Variants in COX7B2 observed in about 807,000 individuals in gnomAD.
COX7B2 encodes the protein cytochrome c oxidase subunit 7B2, mitochondrial.
For synonymous variants in COX7B2, 37 were observed against 32.1 expected (o/e 1.15, Z -0.51); for missense variants, 109 against 95.9 (o/e 1.14, Z -0.57).
At chr4:46,794,574 T>C (rs1349394961) in intron 2 of COX7B2, among the ~76,000 whole-genome samples, 2 of 152,040 alleles carry the variant, frequency 1.3e-5, no homozygotes, top group African/African-American at 4.8e-5. Context: ...AAGAGCTCTG[T>C]AATTGCTCTT....
At chr4:46,797,092 TAAAAAAAAAA>T (rs762801656) in intron 2 of COX7B2, among the ~76,000 whole-genome samples, 2 of 62,582 alleles carry the variant, frequency 3.2e-5, no homozygotes, top group Non-Finnish European at 5.2e-5. Flanking sequence ...TAGAGTATAA[TAAAAAAAAAA>T]AAAAAAAAAA....
intron 1 of COX7B2, 132 bp from the exon 2 acceptor site, chr4:46,845,146 A>G (rs1333106854): frequency 6.6e-6 from 1 of 152,054 alleles, no homozygotes; most frequent in African/African-American, 2.4e-5. Flanking sequence ...TGTCATACAA[A>G]TGATATCTGA....
intron 2 of COX7B2, among the ~76,000 whole-genome samples, chr4:46,736,029 C>A (rs1577639677): frequency 6.6e-6 from 1 of 152,126 alleles, no homozygotes; most frequent in African/African-American, 2.4e-5. Context: ...TTCATGATTA[C>A]CCAAAGTCCA....
intron 1 of COX7B2, among the ~76,000 whole-genome samples, chr4:46,849,674 G>A (rs1716537301): frequency 6.6e-6 from 1 of 152,030 alleles, no homozygotes; most frequent in Non-Finnish European, 1.5e-5. Context: ...ACAATTTAAT[G>A]AATTGGAGAC....
At position 46,816,784 on chromosome 4, in the gene COX7B2, G is replaced by GT. The variant is rs199772223; in HGVS notation, c.-50+28175dup. ...ATAGGTTTTCACTATAGCTGAGGTT[G>GT]TATGTAGACTAGAAATAAATCTGTG... On this transcript the variant is annotated intron_variant, in intron 2 of 2. Coordinates refer to ENST00000355591, the MANE Select transcript of COX7B2 (RefSeq NM_130902.3). 5.5e-4 allele frequency among the ~76,000 whole-genome samples: 84 copies of GT among 152,306 alleles called. 1 individual carries two copies. In the East Asian group the frequency reaches 0.015, roughly 27 times the overall value.
At chr4:46,844,651 C>T (rs1350363552) in intron 2 of COX7B2, among the ~76,000 whole-genome samples, 3 of 152,020 alleles carry the variant, frequency 2.0e-5, no homozygotes, top group Non-Finnish European at 2.9e-5. Context: ...TGGCAATACA[C>T]ACATTTTCTT....
chr4:46,745,801 G>A (rs955679332), intron 2 of COX7B2, among the ~76,000 whole-genome samples: 2 of 152,100 alleles, frequency 1.3e-5, no homozygotes, highest in African/African-American at 4.8e-5. Context: ...CTAAAAACAT[G>A]CAACAAAAAA....
Position 46,890,865 on chromosome 4 carries a change from T to C in COX7B2, c.-105+18295A>G, listed in dbSNP as rs145653816. On this transcript the variant is annotated intron_variant, in intron 1 of 2. Coordinates refer to ENST00000355591, the MANE Select transcript of COX7B2 (RefSeq NM_130902.3). ...AGTATAATAAGTCACTAGAGAATTT[T>C]GCACAGAGGATAATAGCATAGTTAC... 1.7e-3 allele frequency among the ~76,000 whole-genome samples: 264 copies of C among 152,322 alleles called. 3 individuals are homozygous for C. Among genetic ancestry groups the C allele is most frequent in the African/African-American group, 6.1e-3 (254 of 41,574 alleles).
chr4:46,750,750 G>A (rs897914454), intron 2 of COX7B2, among the ~76,000 whole-genome samples: 3 of 152,098 alleles, frequency 2.0e-5, no homozygotes, highest in Non-Finnish European at 4.4e-5. Flanking sequence ...GGTCCAGCAG[G>A]GTTGTTTCTA....
intron 1 of COX7B2, among the ~76,000 whole-genome samples, chr4:46,867,561 T>C (rs963280171): frequency 2.0e-5 from 3 of 152,212 alleles, no homozygotes; most frequent in Middle Eastern, 3.2e-3. Flanking sequence ...TTGCGTGTAA[T>C]TAATAGTGGA....
At chr4:46,885,944 T>C (rs1299154212) in intron 1 of COX7B2, among the ~76,000 whole-genome samples, 2 of 152,148 alleles carry the variant, frequency 1.3e-5, no homozygotes, top group African/African-American at 4.8e-5. Context: ...CATGTTAGAA[T>C]AAATGTATTG....
chr4:46,831,132 A>G (rs183140025), intron 2 of COX7B2, among the ~76,000 whole-genome samples: 1,717 of 152,090 alleles, frequency 0.011, 29 homozygotes, highest in African/African-American at 0.039. Flanking sequence ...CCGCATTGGG[A>G]GTGGCCGGCC....
chr4:46,839,476 TTTC>T (rs1715777293), intron 2 of COX7B2, among the ~76,000 whole-genome samples: 1 of 151,964 alleles, frequency 6.6e-6, no homozygotes, highest in Non-Finnish European at 1.5e-5. Flanking sequence ...TTGAGCTCAT[TTTC>T]ATTATTATTA....
In COX7B2 at chr4:46,855,295, G is replaced by T. The variant is rs1328374720; in HGVS notation, c.-104-10281C>A. On this transcript the variant is annotated intron_variant, in intron 1 of 2. Transcript: ENST00000355591. ...GAGCTGAGATAGCACCACTGCACAA[G>T]AAATTAACAAAATATTATTAGCAAA... is the stretch of plus-strand genomic sequence containing the variant. 2.0e-5 allele frequency among the ~76,000 whole-genome samples: 3 copies of T among 151,936 alleles called. No homozygotes were observed. In the East Asian group the frequency reaches 5.8e-4, roughly 29 times the overall value.
intron 1 of COX7B2, among the ~76,000 whole-genome samples, chr4:46,894,648 T>C (rs1719642221): frequency 6.6e-6 from 1 of 152,146 alleles, no homozygotes; most frequent in Non-Finnish European, 1.5e-5. Context: ...GGGATCTAAC[T>C]AAACTTAAGA....
intron 2 of COX7B2, among the ~76,000 whole-genome samples, chr4:46,744,136 T>C (rs938776401): frequency 6.6e-6 from 1 of 151,920 alleles, no homozygotes; most frequent in African/African-American, 2.4e-5. Context: ...CATAGAAAAT[T>C]GACCCTTCTT....
At chr4:46,807,442 C>G (rs1228854736) in intron 2 of COX7B2, among the ~76,000 whole-genome samples, 2 of 151,818 alleles carry the variant, frequency 1.3e-5, no homozygotes, top group African/African-American at 4.8e-5. Flanking sequence ...TTGCAAGTAT[C>G]TTTTTCCAAT....
At chr4:46,754,728 G>GTATATAGATATATATATATATATA (rs1715663012) in intron 2 of COX7B2, among the ~76,000 whole-genome samples, 1 of 39,866 alleles carries the variant, frequency 2.5e-5, no homozygotes, top group African/African-American at 1.2e-4. Context: ...GTGTGTGTGT[G>GTATATAGATATATATATATATATA]TATATATATA....
chr4:46,758,517 T>C (rs1341384109), intron 2 of COX7B2, among the ~76,000 whole-genome samples: 3 of 152,132 alleles, frequency 2.0e-5, no homozygotes, highest in Non-Finnish European at 4.4e-5. Context: ...GTGACGAAGC[T>C]GATATTACAA....
Sources: allele counts gnomAD v4.1 joint callset (sites outside exome capture counted in the v4.1 genomes callset), GRCh38; gene constraint gnomAD v4.1.1; transcripts MANE v1.5; gene names NCBI Gene and HGNC (gene_info 2026-07-23, HGNC 2026-07-21).